Variants in CDH19 observed in about 807,000 individuals in gnomAD.
CDH19 encodes the protein cadherin 19.
In CDH19, 67 loss-of-function variants were observed where a neutral mutation model predicts 64.2. That is an observed-to-expected ratio of 1.04 (90% CI 0.86 to 1.28). CDH19 has a LOEUF of 1.28. Ranked by LOEUF, CDH19 falls within the 50% of genes most tolerant of loss-of-function variation. CDH19 has a pLI of 0.00. For missense variants in CDH19, 1,030 were observed against 929.0 expected (o/e 1.11, Z -1.41); for synonymous variants, 346 against 319.3 (o/e 1.08, Z -0.89).
rs1480423587 is a variant in CDH19, at chr18:66,505,129, G to A, written c.2002C>T (p.Arg668Cys). 6.2e-7 allele frequency: 1 copy of A among 1,613,476 alleles called. No homozygotes were observed. Among genetic ancestry groups the A allele is most frequent in the Non-Finnish European group, 8.5e-7 (1 of 1,179,704 alleles). ...ELRSSTIMRE[R>C]KTRKTTSAEI... The stretch of plus-strand genomic sequence containing the variant: ...GCGCTTGTGGTTTTCCGAGTCTTGC[G>A]TTCCCGCATTATGGTACTACTCCTC... The change falls in exon 12 of 12, where the codon CGC (arginine) becomes TGC (cysteine). Residue 668 changes from arginine to cysteine, a missense_variant. By Grantham distance (180) the Arg-to-Cys change is radical (BLOSUM62 -3). Transcript: ENST00000262150.
intron 1 of CDH19, among the ~76,000 whole-genome samples, chr18:66,603,178 A>G (rs969994707): frequency 1.7e-4 from 26 of 150,664 alleles, no homozygotes; most frequent in Non-Finnish European, 4.4e-5. Flanking sequence ...TATATTTAAT[A>G]GATTTATTAA....
intron 1 of CDH19, among the ~76,000 whole-genome samples, chr18:66,603,324 A>G (rs1201271646): frequency 2.0e-5 from 3 of 151,202 alleles, no homozygotes; most frequent in Non-Finnish European, 4.4e-5. Flanking sequence ...ACTTTTCTTA[A>G]TTTATACTTT....
Position 66,562,998 on chromosome 18 carries a change from C to A in CDH19, c.490+5418G>T, listed in dbSNP as rs192498002. Reference sequence around the variant, plus strand: ...TGCAGAGGATGAAACTATTCTCATGCAGATGTTTAACATGGCTTACAACTT... The same window carrying A: ...TGCAGAGGATGAAACTATTCTCATGAAGATGTTTAACATGGCTTACAACTT... On this transcript the variant is annotated intron_variant, in intron 3 of 11. Transcript: ENST00000262150. Among the ~76,000 whole-genome samples, 2 of 152,142 alleles carry A rather than the reference C, an allele frequency of 1.3e-5. 1 individual carries two copies. Among genetic ancestry groups the A allele is most frequent in the Admixed American group, 1.3e-4 (2 of 15,262 alleles).
intron 1 of CDH19, chr18:66,596,451 A>G (rs555696991): frequency 6.6e-6 from 1 of 152,262 alleles, no homozygotes; most frequent in East Asian, 1.9e-4. Context: ...AATTTCAACA[A>G]AGTTTTGGGA....
At chr18:66,588,039 A>T (rs1988627161) in intron 1 of CDH19, among the ~76,000 whole-genome samples, 2 of 152,188 alleles carry the variant, frequency 1.3e-5, no homozygotes, top group South Asian at 4.1e-4. Flanking sequence ...AATATTGATG[A>T]GAAAAAAGTT....
intron 3 of CDH19, among the ~76,000 whole-genome samples, chr18:66,562,373 C>T (rs1426598344): frequency 6.6e-6 from 1 of 151,716 alleles, no homozygotes; most frequent in Non-Finnish European, 1.5e-5. Context: ...ACCTAGATTC[C>T]TCACATGTGC....
intron 11 of CDH19, among the ~76,000 whole-genome samples, chr18:66,506,538 C>G (rs1011897702): frequency 6.6e-6 from 1 of 151,930 alleles, no homozygotes; most frequent in Non-Finnish European, 1.5e-5. Flanking sequence ...TCAGAAATTT[C>G]AAACTATCAT....
In CDH19 at chr18:66,568,727, G is replaced by A; in HGVS notation, c.196-17C>T. ...AGATCTTAGCTGCAAATGGAAAGAG[G>A]GATCATTTAGTTTCCAAACATCTGA... On this transcript the variant is annotated splice_polypyrimidine_tract_variant and intron_variant, in intron 2 of 11. Coordinates refer to ENST00000262150, the MANE Select transcript of CDH19 (RefSeq NM_021153.4). The A allele has an allele frequency of 1.9e-6, 3 of 1,553,500 alleles. No homozygotes were observed. Among genetic ancestry groups the A allele is most frequent in the Non-Finnish European group, 2.6e-6 (3 of 1,153,324 alleles).
chr18:66,546,793 T>C (rs186799411), intron 5 of CDH19, among the ~76,000 whole-genome samples: 4 of 152,252 alleles, frequency 2.6e-5, no homozygotes, highest in Admixed American at 2.6e-4. Flanking sequence ...TGGGGAAATA[T>C]AATTTCAAGA....
intron 3 of CDH19, among the ~76,000 whole-genome samples, chr18:66,566,177 T>C (rs1987902510): frequency 6.6e-6 from 1 of 151,934 alleles, no homozygotes; most frequent in South Asian, 2.1e-4. Context: ...CGCATTATGC[T>C]TCACTGACAA....
At chr18:66,573,473 G>A (rs575834644) in intron 1 of CDH19, among the ~76,000 whole-genome samples, 1 of 151,746 alleles carries the variant, frequency 6.6e-6, no homozygotes, top group Admixed American at 6.6e-5. Context: ...TTTACTTAAT[G>A]AAGGTCATAG....
intron 1 of CDH19, among the ~76,000 whole-genome samples, chr18:66,578,588 A>G (rs903037649): frequency 1.4e-4 from 21 of 152,058 alleles, no homozygotes; most frequent in South Asian, 4.1e-4. Flanking sequence ...AGTTAAACAT[A>G]TACCTACCAT....
chr18:66,538,516 T>G (rs2144459713), intron 7 of CDH19, among the ~76,000 whole-genome samples: 1 of 152,220 alleles, frequency 6.6e-6, no homozygotes, highest in Admixed American at 6.5e-5. Flanking sequence ...TTCATTTTTT[T>G]TAATCCACTC....
At chr18:66,556,499 A>T in intron 3 of CDH19, among the ~76,000 whole-genome samples, 1 of 151,698 alleles carries the variant, frequency 6.6e-6, no homozygotes, top group East Asian at 1.9e-4. Context: ...TAGATTCCAC[A>T]TATAAATAAG....
intron 9 of CDH19, among the ~76,000 whole-genome samples, chr18:66,526,735 CAT>C (rs949824256): frequency 1.3e-5 from 2 of 151,696 alleles, no homozygotes; most frequent in African/African-American, 4.8e-5. Flanking sequence ...GTTTTTTTCA[CAT>C]ATATATTTAA....
At chr18:66,575,222 G>T (rs1188768706) in intron 1 of CDH19, among the ~76,000 whole-genome samples, 2 of 151,694 alleles carry the variant, frequency 1.3e-5, no homozygotes, top group African/African-American at 4.8e-5. Flanking sequence ...TGGACTCTGG[G>T]GTCGGGGGAG....
At chr18:66,573,233 G>A (rs1263464600) in intron 1 of CDH19, among the ~76,000 whole-genome samples, 2 of 151,546 alleles carry the variant, frequency 1.3e-5, no homozygotes, top group African/African-American at 2.4e-5. Flanking sequence ...GATTCACAAT[G>A]GAGTTTAATG....
chr18:66,519,935 C>A (rs144591344), intron 9 of CDH19, among the ~76,000 whole-genome samples: 5,041 of 152,138 alleles, frequency 0.033, 195 homozygotes, highest in East Asian at 0.14. Flanking sequence ...CCTGTAATCC[C>A]AGCACTTTGG....
chr18:66,569,204 G>A (rs1026250699), intron 2 of CDH19, among the ~76,000 whole-genome samples: 1 of 151,490 alleles, frequency 6.6e-6, no homozygotes, highest in Non-Finnish European at 1.5e-5. Context: ...AATCTTGACT[G>A]TTCATTAGGT....
Sources: gnomAD v4.1 joint callset for allele counts (sites outside exome capture counted in the v4.1 genomes callset) on GRCh38, gnomAD v4.1.1 for gene constraint, MANE v1.5 for transcripts, NCBI Gene and HGNC (gene_info 2026-07-23, HGNC 2026-07-21) for gene names.